Variants in LOC128462377 observed in about 807,000 individuals in gnomAD.
chr16:89,414,140 C>T, the LOC128462377 span, among the ~76,000 whole-genome samples: 2 of 152,182 alleles, frequency 1.3e-5, no homozygotes, highest in Admixed American at 6.5e-5. Flanking sequence ...CTTACAAGTT[C>T]AACATTTCAG....
At chr16:89,330,073 A>G in the LOC128462377 span, among the ~76,000 whole-genome samples, 2 of 152,194 alleles carry the variant, frequency 1.3e-5, no homozygotes, top group Non-Finnish European at 2.9e-5. Context: ...ATTAAATATA[A>G]ACATTTTAAT....
chr16:89,403,529 G>C, the LOC128462377 span: 26 of 152,086 alleles, frequency 1.7e-4, no homozygotes, highest in African/African-American at 5.8e-4. Context: ...GCTCAACTAC[G>C]ACTGGGCAAT....
At chr16:89,326,361 A>G in the LOC128462377 span, among the ~76,000 whole-genome samples, 1 of 151,928 alleles carries the variant, frequency 6.6e-6, no homozygotes, top group Non-Finnish European at 1.5e-5. Flanking sequence ...CGGTCTGCAG[A>G]AGGGGACGCA....
the LOC128462377 span, among the ~76,000 whole-genome samples, chr16:89,407,813 G>A: frequency 7.3e-6 from 1 of 136,246 alleles, no homozygotes; most frequent in Non-Finnish European, 1.5e-5. Context: ...TCCGGCCACT[G>A]CACTCCCACC....
chr16:89,358,130 G>C, the LOC128462377 span, among the ~76,000 whole-genome samples: 16 of 152,194 alleles, frequency 1.1e-4, no homozygotes, highest in Admixed American at 8.5e-4. Flanking sequence ...TTAACAACCA[G>C]GGTGGCTGGA....
the LOC128462377 span, among the ~76,000 whole-genome samples, chr16:89,415,468 G>A: frequency 5.4e-5 from 8 of 147,370 alleles, no homozygotes; most frequent in Admixed American, 1.4e-4. Flanking sequence ...GTTTCACCGT[G>A]TTAGCCAGGA....
chr16:89,389,153 G>A, the LOC128462377 span, among the ~76,000 whole-genome samples: 1 of 152,048 alleles, frequency 6.6e-6, no homozygotes, highest in African/African-American at 2.4e-5. Flanking sequence ...TGAGTGGCTG[G>A]GATGACAGAT....
the LOC128462377 span, among the ~76,000 whole-genome samples, chr16:89,397,711 T>C: frequency 3.3e-5 from 5 of 152,336 alleles, no homozygotes; most frequent in East Asian, 9.7e-4. Flanking sequence ...GTACTGCTCT[T>C]GGAATGTCAA....
chr16:89,329,250 A>C, the LOC128462377 span, among the ~76,000 whole-genome samples: 2 of 152,212 alleles, frequency 1.3e-5, no homozygotes, highest in African/African-American at 2.4e-5. Context: ...ATCCAGGATA[A>C]GACGGGGGAT....
chr16:89,338,545 A>T, the LOC128462377 span, among the ~76,000 whole-genome samples: 2 of 151,858 alleles, frequency 1.3e-5, no homozygotes, highest in South Asian at 2.1e-4. Context: ...CCTGGCCAAC[A>T]TGATGACTGT....
At chr16:89,367,343 C>G in the LOC128462377 span, among the ~76,000 whole-genome samples, 2 of 152,360 alleles carry the variant, frequency 1.3e-5, no homozygotes, top group East Asian at 3.9e-4. Flanking sequence ...ACAGTGGCGG[C>G]GCCCAGAGCG....
At chr16:89,411,674 A>G in the LOC128462377 span, among the ~76,000 whole-genome samples, 1 of 152,190 alleles carries the variant, frequency 6.6e-6, no homozygotes, top group Non-Finnish European at 1.5e-5. Context: ...TCAGCCTCCC[A>G]GAGTGCTGGG....
chr16:89,382,693 T>C, the LOC128462377 span, among the ~76,000 whole-genome samples: 1 of 151,054 alleles, frequency 6.6e-6, no homozygotes, highest in Non-Finnish European at 1.5e-5. Context: ...TTGCCCAGGT[T>C]GGTCTCAAAC....
At chr16:89,396,940 G>C in the LOC128462377 span, among the ~76,000 whole-genome samples, 12 of 120,800 alleles carry the variant, frequency 9.9e-5, no homozygotes, top group African/African-American at 3.3e-4. Flanking sequence ...AGCTGCCTCG[G>C]TTTCCCAGAG....
the LOC128462377 span, among the ~76,000 whole-genome samples, chr16:89,367,353 G>A: frequency 6.6e-6 from 1 of 152,206 alleles, no homozygotes. Flanking sequence ...CGCCCAGAGC[G>A]GCAGACCTCC....
At chr16:89,342,964 T>C in the LOC128462377 span, among the ~76,000 whole-genome samples, 1 of 152,196 alleles carries the variant, frequency 6.6e-6, no homozygotes, top group African/African-American at 2.4e-5. Context: ...ATTCCGAATT[T>C]GGGATGCACA....
At chr16:89,318,427 G>A in the LOC128462377 span, among the ~76,000 whole-genome samples, 1 of 152,238 alleles carries the variant, frequency 6.6e-6, no homozygotes, top group African/African-American at 2.4e-5. Context: ...CTGTGTGCAC[G>A]TCTCTGCCCT....
chr16:89,394,846 G>GC, the LOC128462377 span, among the ~76,000 whole-genome samples: 1 of 152,072 alleles, frequency 6.6e-6, no homozygotes. Flanking sequence ...CAAACGTCCA[G>GC]ACTCCTCATT....
At chr16:89,362,189 C>T in the LOC128462377 span, among the ~76,000 whole-genome samples, 1 of 152,214 alleles carries the variant, frequency 6.6e-6, no homozygotes, top group Non-Finnish European at 1.5e-5. Context: ...TTCTGAAATA[C>T]CAACTGCCTT....
Sources: allele counts gnomAD v4.1 joint callset (sites outside exome capture counted in the v4.1 genomes callset), GRCh38; gene constraint gnomAD v4.1.1; transcripts MANE v1.5.